The following ZDHHC13 variants were observed in gnomAD, a reference collection of about 807,000 sequenced individuals.
The protein encoded by ZDHHC13 is palmitoyltransferase ZDHHC13.
A neutral mutation model predicts 86.0 loss-of-function variants in ZDHHC13; 85 were observed. That is an observed-to-expected ratio of 0.99 (90% CI 0.83 to 1.18). ZDHHC13 has a LOEUF of 1.18. Among genes scored for constraint, ZDHHC13 ranks in the 50% most tolerant of loss-of-function variants. ZDHHC13 has a pLI of 0.00. For missense variants in ZDHHC13, 711 were observed against 730.2 expected, an observed-to-expected ratio of 0.97 and a Z score of 0.30; for synonymous variants, 263 against 246.4, an observed-to-expected ratio of 1.07 and a Z score of -0.63.
intron 1 of ZDHHC13, among the ~76,000 whole-genome samples, chr11:19,129,558 T>C (rs1848944916): frequency 6.6e-6 from 1 of 152,170 alleles, no homozygotes; most frequent in Non-Finnish European, 1.5e-5. Context: ...TATTTGAATA[T>C]ATATTTTATT....
At position 19,147,560 on chromosome 11, in the gene ZDHHC13, T is replaced by G. The variant is rs201926365; in HGVS notation, c.297-36T>G. The G allele has an allele frequency of 2.0e-6, 3 of 1,537,034 alleles. No homozygotes were observed. In the African/African-American group the frequency reaches 4.1e-5, roughly 21 times the overall value. On this transcript the variant is annotated intron_variant, in intron 3 of 16. Coordinates refer to ENST00000446113, the MANE Select transcript of ZDHHC13 (RefSeq NM_019028.3). ...TCTTTCTCAATATGAAGCTTAAGTT[T>G]CAAATCTTACTTTCATTTGTGTCTG...
intron 14 of ZDHHC13, chr11:19,170,045 A>G (rs577695591): frequency 4.1e-5 from 43 of 1,052,678 alleles, no homozygotes; most frequent in Non-Finnish European, 4.6e-5. Context: ...TCAGTCCTGT[A>G]ATAGACCCAT....
Position 19,165,079 on chromosome 11 carries a change from T to A in ZDHHC13, c.1324T>A (p.Cys442Ser). Residue 442 changes from cysteine to serine, a missense_variant, in exon 13 of 17, where the codon TGC becomes AGC. By Grantham distance (112) the Cys-to-Ser change is moderately radical (BLOSUM62 -1). Transcript: ENST00000446113. ...AAGGAAGCCATTAAGGTCACTCCACTGCCATGTATGCAACTGCTGTGTGGC... is the reference window on the plus strand; with the variant it reads ...AAGGAAGCCATTAAGGTCACTCCACAGCCATGTATGCAACTGCTGTGTGGC... ...LIRKPLRSLH[C>S]HVCNCCVARY... 1 of 1,613,106 alleles carries A rather than the reference T, an allele frequency of 6.2e-7. No homozygotes were observed. The highest frequency in any genetic ancestry group is 8.5e-7 in the Non-Finnish European group (1 of 1,179,486).
rs149169022 is a variant in ZDHHC13 at position 19,134,697 on chromosome 11, C to T, written c.28-8281C>T. ...ACAGGGAGGGGAACATTACACACTG[C>T]GGTCTGTCAGGGGGTGGGGGGCAAG... On this transcript the variant is annotated intron_variant, in intron 1 of 16. Transcript: ENST00000446113. 3.5e-3 allele frequency among the ~76,000 whole-genome samples: 489 copies of T among 140,930 alleles called. 2 individuals carry two copies. Among genetic ancestry groups the T allele is most frequent in the Non-Finnish European group, 5.4e-3 (356 of 65,816 alleles). The allele number at this position is 140,930 out of a possible 152,430, so 92.5% of individuals were successfully genotyped here.
At position 19,131,417 on chromosome 11, in the gene ZDHHC13, G is replaced by A. The variant is rs76897437; in HGVS notation, c.28-11561G>A. 6.9e-3 allele frequency among the ~76,000 whole-genome samples: 1,056 copies of A among 151,996 alleles called. 9 individuals are homozygous for A. The highest frequency in any genetic ancestry group is 0.024 in the African/African-American group (986 of 41,462). ...TAGTTACTGTGAGTTTATAATTTTCGCCAACTTTGGAAGATTTTTGGTATA... is the reference window on the plus strand; with the variant it reads ...TAGTTACTGTGAGTTTATAATTTTCACCAACTTTGGAAGATTTTTGGTATA... On this transcript the variant is annotated intron_variant, in intron 1 of 16. Transcript: ENST00000446113.
At chr11:19,156,123 C>T (rs750258169) in intron 9 of ZDHHC13, among the ~76,000 whole-genome samples, 194 bp downstream of exon 9, 15 of 152,134 alleles carry the variant, frequency 9.9e-5, no homozygotes, top group Non-Finnish European at 1.3e-4. Context: ...TTGCTCAACC[C>T]AGTAACTTGG....
chr11:19,147,164 T>TACTTTTAAA (rs1849488337), intron 3 of ZDHHC13, among the ~76,000 whole-genome samples: 1 of 152,176 alleles, frequency 6.6e-6, no homozygotes, highest in African/African-American at 2.4e-5. Flanking sequence ...CTTTACTACT[T>TACTTTTAAA]ACTTTTAAAA....
intron 9 of ZDHHC13, among the ~76,000 whole-genome samples, chr11:19,158,491 A>T (rs1025155059): frequency 6.6e-6 from 1 of 152,190 alleles, no homozygotes; most frequent in Admixed American, 6.6e-5. Flanking sequence ...GTGCATCAGT[A>T]TGCTTAACAA....
chr11:19,121,116 C>G (rs1026449360), intron 1 of ZDHHC13, among the ~76,000 whole-genome samples: 2 of 152,188 alleles, frequency 1.3e-5, no homozygotes, highest in African/African-American at 4.8e-5. Context: ...TTTATCTAGT[C>G]TAGCCCTTTA....
At chr11:19,154,097 C>T (rs1849692140) in intron 8 of ZDHHC13, among the ~76,000 whole-genome samples, 1 of 152,126 alleles carries the variant, frequency 6.6e-6, no homozygotes, top group African/African-American at 2.4e-5. Flanking sequence ...GCCTATAGGG[C>T]CCTTTGTCAT....
At chr11:19,151,999 G>C (rs1048188289) in intron 6 of ZDHHC13, among the ~76,000 whole-genome samples, 159 bp from the exon 7 acceptor site, 3 of 151,760 alleles carry the variant, frequency 2.0e-5, no homozygotes, top group Non-Finnish European at 4.4e-5. Context: ...TCTCCTATTA[G>C]TACCTAGAAT....
chr11:19,147,632 G>A lies in ZDHHC13; in HGVS notation c.333G>A (p.Leu111=). The change falls in exon 4 of 17, where the codon TTG becomes TTA. Residue 111 remains leucine, a synonymous_variant. Coordinates refer to ENST00000446113, the MANE Select transcript of ZDHHC13 (RefSeq NM_019028.3). Reference sequence around the variant, plus strand: ...CAAAAGGTGCTGTTGTAGATCAGTTGGGTGGAGATTTAAATTCAACTCCTC... The same window carrying A: ...CAAAAGGTGCTGTTGTAGATCAGTTAGGTGGAGATTTAAATTCAACTCCTC... ...YISKGAVVDQ[L]GGDLNSTPLH... The A allele has an allele frequency of 6.2e-7, 1 of 1,602,626 alleles. No individual in the cohort carries two copies. The highest frequency in any genetic ancestry group is 8.5e-7 in the Non-Finnish European group (1 of 1,173,936).
intron 1 of ZDHHC13, among the ~76,000 whole-genome samples, chr11:19,122,394 C>A (rs1175164403): frequency 6.6e-6 from 1 of 152,040 alleles, no homozygotes; most frequent in East Asian, 1.9e-4. Context: ...CTGCTATTTT[C>A]TTATTTGCTT....
At position 19,163,364 on chromosome 11, in the gene ZDHHC13, T is replaced by C. The variant is rs1294098241; in HGVS notation, c.1170T>C (p.Phe390=). The part of the protein sequence containing the change: ...FIFSIVAFLY[F]FYKTWATDPG... Reference sequence around the variant, plus strand: ...TCAGCATAGTAGCCTTTCTATACTTTTTCTATAAGACTTGGGCAACTGATC... The same window carrying C: ...TCAGCATAGTAGCCTTTCTATACTTCTTCTATAAGACTTGGGCAACTGATC... The change falls in exon 11 of 17, where the codon TTT becomes TTC. Residue 390 remains phenylalanine, a synonymous_variant. Coordinates refer to ENST00000446113, the MANE Select transcript of ZDHHC13 (RefSeq NM_019028.3). 1 of 1,608,938 alleles carries C rather than the reference T, an allele frequency of 6.2e-7. No individual in the cohort carries two copies.
intron 1 of ZDHHC13, among the ~76,000 whole-genome samples, chr11:19,137,664 G>A (rs1184751697): frequency 6.6e-6 from 1 of 152,080 alleles, no homozygotes; most frequent in African/African-American, 2.4e-5. Context: ...CACATACTTG[G>A]AAGTAAAGCT....
At chr11:19,141,675 C>A (rs114949554) in intron 1 of ZDHHC13, among the ~76,000 whole-genome samples, 1 of 140,376 alleles carries the variant, frequency 7.1e-6, no homozygotes, top group African/African-American at 2.7e-5. Flanking sequence ...TTTTTGTGGG[C>A]TTTTTTTTTT....
intron 11 of ZDHHC13, among the ~76,000 whole-genome samples, chr11:19,163,892 T>C (rs768428832): frequency 1.5e-4 from 23 of 152,194 alleles, no homozygotes; most frequent in Non-Finnish European, 3.2e-4. Context: ...AATGTTGTCT[T>C]TGTTACCTAA....
At chr11:19,143,730 A>G (rs534383303) in intron 2 of ZDHHC13, among the ~76,000 whole-genome samples, 31 of 152,312 alleles carry the variant, frequency 2.0e-4, no homozygotes, top group South Asian at 1.7e-3. Context: ...TCCCCTTAAG[A>G]TCTCCATATG....
intron 2 of ZDHHC13, among the ~76,000 whole-genome samples, chr11:19,144,989 A>T (rs1849421003): frequency 6.6e-6 from 1 of 152,106 alleles, no homozygotes; most frequent in Non-Finnish European, 1.5e-5. Flanking sequence ...CACGCCTGTA[A>T]TCCCAGCTAC....
Sources: allele counts gnomAD v4.1 joint callset (sites outside exome capture counted in the v4.1 genomes callset), GRCh38; gene constraint gnomAD v4.1.1; transcripts MANE v1.5; gene names NCBI Gene and HGNC (gene_info 2026-07-23, HGNC 2026-07-21).